Variants in CHD7 observed in about 807,000 individuals in gnomAD.
The protein encoded by CHD7 is ATP-dependent chromatin remodeler CHD7.
CHD7 carries 24 observed loss-of-function variants against 307.3 expected under a neutral mutation model. The ratio of observed to expected loss-of-function variants is 0.08; its 90% CI spans 0.06 to 0.11. CHD7 has a LOEUF of 0.11. Ranked by LOEUF, CHD7 falls within the 10% of genes least tolerant of loss-of-function variation. The probability of loss-of-function intolerance (pLI) is 1.00; values close to 1 mark genes in which losing one functional copy is unlikely to be tolerated. For synonymous variants in CHD7, 1,363 were observed against 1,349.9 expected (o/e 1.01, Z -0.21); for missense variants, 3,106 against 3,727.1 (o/e 0.83, Z 4.34).
At chr8:60,793,697 T>C (rs1021424764) in intron 3 of CHD7, among the ~76,000 whole-genome samples, 1 of 152,244 alleles carries the variant, frequency 6.6e-6, no homozygotes, top group African/African-American at 2.4e-5. Flanking sequence ...TTTGAAGGTT[T>C]TTGAAATACA....
intron 1 of CHD7, among the ~76,000 whole-genome samples, chr8:60,723,146 AATCAGAAAGCCTTTAAGT>A (rs1807992109): frequency 6.6e-6 from 1 of 152,116 alleles, no homozygotes; most frequent in South Asian, 2.1e-4. Flanking sequence ...CCACCTATCT[AATCAGAAAGCCTTTAAGT>A]ATCAGAAAAC....
intron 3 of CHD7, 85 bp from the exon 4 acceptor site, chr8:60,794,901 C>A: frequency 8.0e-7 from 1 of 1,249,046 alleles, no homozygotes; most frequent in Non-Finnish European, 1.1e-6. Context: ...GTCATTGATA[C>A]TTTTGGGATA....
In CHD7 at chr8:60,856,657, A is replaced by G. The variant is rs1805730448; in HGVS notation, c.7377A>G (p.Ser2459=). ...REATSSTSNF[S]SLSSKFILPN... is the part of the protein sequence containing the mutation. ...CAACAAGCTCTACCTCAAATTTTTC[A>G]TCTCTTTCTTCAAAGTTTATCTTGC... is the stretch of plus-strand genomic sequence containing the variant. The change falls in exon 34 of 38, where the codon TCA becomes TCG. Residue 2459 remains serine, a synonymous_variant. Coordinates refer to ENST00000423902, the MANE Select transcript of CHD7 (RefSeq NM_017780.4). 1 of 1,614,054 alleles carries G rather than the reference A, an allele frequency of 6.2e-7. No individual in the cohort carries two copies. Among genetic ancestry groups the G allele is most frequent in the East Asian group, 2.2e-5 (1 of 44,884 alleles).
At chr8:60,860,425 GTCT>G (rs1050424244) in intron 34 of CHD7, among the ~76,000 whole-genome samples, 5 of 152,028 alleles carry the variant, frequency 3.3e-5, no homozygotes, top group African/African-American at 4.8e-5. Context: ...TAAAAGTTTC[GTCT>G]TCTTCTTTTT....
At chr8:60,859,864 A>T (rs1458897294) in intron 34 of CHD7, among the ~76,000 whole-genome samples, 1 of 152,236 alleles carries the variant, frequency 6.6e-6, no homozygotes, top group African/African-American at 2.4e-5. Context: ...TTATTGAAAA[A>T]AATAGGAGAG....
intron 1 of CHD7, among the ~76,000 whole-genome samples, chr8:60,718,420 A>C (rs1342400232): frequency 2.0e-5 from 3 of 152,124 alleles, no homozygotes. Flanking sequence ...GGTTGCAGTG[A>C]GCCAAGATTG....
In CHD7 at chr8:60,856,043, T is replaced by C. The variant is rs376174164; in HGVS notation, c.7005T>C (p.Asn2335=). ...TGTTGAAAGGCAAATGGCCAGTAAA[T>C]AGGCGCCAGATGTTTGATTTCCAAG... ...EAVLKGKWPV[N]RRQMFDFQGL... Residue 2335 remains asparagine, a synonymous_variant, in exon 33 of 38, where the codon AAT becomes AAC. Coordinates refer to ENST00000423902, the MANE Select transcript of CHD7 (RefSeq NM_017780.4). The C allele has an allele frequency of 2.5e-6, 4 of 1,611,368 alleles. No individual in the cohort carries two copies. Among genetic ancestry groups the C allele is most frequent in the Non-Finnish European group, 3.4e-6 (4 of 1,178,780 alleles).
chr8:60,772,954 G>A (rs1810780205), intron 2 of CHD7, among the ~76,000 whole-genome samples: 2 of 152,220 alleles, frequency 1.3e-5, no homozygotes, highest in African/African-American at 4.8e-5. Context: ...TGGTTAGTCA[G>A]AGGCACCATG....
At chr8:60,719,455 G>A (rs1456495936) in intron 1 of CHD7, among the ~76,000 whole-genome samples, 5 of 151,820 alleles carry the variant, frequency 3.3e-5, no homozygotes, top group Non-Finnish European at 7.4e-5. Flanking sequence ...TTTTTTTTCA[G>A]AATTTTCTTG....
intron 1 of CHD7, among the ~76,000 whole-genome samples, chr8:60,723,708 T>A (rs1328193804): frequency 3.3e-5 from 5 of 152,266 alleles, no homozygotes; most frequent in Non-Finnish European, 4.4e-5. Flanking sequence ...GTTTTTAGAA[T>A]GCCACCTTAT....
chr8:60,849,653 T>C (rs1220511611), intron 25 of CHD7, among the ~76,000 whole-genome samples: 6 of 152,184 alleles, frequency 3.9e-5, no homozygotes, highest in Non-Finnish European at 7.3e-5. Context: ...AGAACTGGCA[T>C]GATATATACA....
rs562194214 is a variant in CHD7, at chr8:60,850,884, A to G, written c.5535-148A>G. On this transcript the variant is annotated intron_variant, in intron 26 of 37. Transcript: ENST00000423902. ...CCCTCCACCACACTGCCATGGCTGC[A>G]TGTTTTAAATACTGATAGAGTTGCT... The G allele has an allele frequency of 2.2e-4, 154 of 688,348 alleles. 1 individual carries two copies. The Middle Eastern group carries it at 3.6e-3, about 16-fold the overall frequency. 42.6% of individuals were successfully genotyped at this position (688,348 alleles called of 1,614,324 possible).
At chr8:60,803,009 G>A (rs1333808943) in intron 6 of CHD7, among the ~76,000 whole-genome samples, 1 of 152,136 alleles carries the variant, frequency 6.6e-6, no homozygotes, top group Admixed American at 6.5e-5. Flanking sequence ...GGCCATCTTG[G>A]TGACTCTTTG....
At chr8:60,719,404 TA>T (rs1807785206) in intron 1 of CHD7, among the ~76,000 whole-genome samples, 1 of 152,254 alleles carries the variant, frequency 6.6e-6, no homozygotes, top group African/African-American at 2.4e-5. Context: ...TTTATGTCTT[TA>T]AAATATTTGA....
chr8:60,760,029 T>A (rs921949547), intron 2 of CHD7, among the ~76,000 whole-genome samples: 3 of 152,154 alleles, frequency 2.0e-5, no homozygotes, highest in Non-Finnish European at 4.4e-5. Flanking sequence ...TGCTGTGTAG[T>A]AATGTTGGTG....
intron 9 of CHD7, among the ~76,000 whole-genome samples, chr8:60,820,996 G>T (rs1048220366): frequency 6.6e-6 from 1 of 152,172 alleles, no homozygotes; most frequent in Non-Finnish European, 1.5e-5. Flanking sequence ...CTAGAGGAAA[G>T]ACAAAGGAAA....
Position 60,865,043 on chromosome 8 carries a change from C to T in CHD7, c.8104C>T (p.Arg2702Cys), listed in dbSNP as rs1373315351. ...TTTTGTTCCTGAGTCGATGTTTGAC[C>T]GCCTTCTCACTGGGCCTGTAGTGCG... ...SGFVPESMFD[R>C]LLTGPVVRGE... Residue 2702 changes from arginine to cysteine, a missense_variant, in exon 38 of 38, where the codon CGC (arginine) becomes TGC (cysteine). By Grantham distance (180) the Arg-to-Cys change is radical (BLOSUM62 -3). This residue lies in a region of CHD7 where 59 missense variants were observed against 106.2 expected (regional missense o/e 0.56). Coordinates refer to ENST00000423902, the MANE Select transcript of CHD7 (RefSeq NM_017780.4). The surrounding 1 kb of genome is among the most constrained non-coding windows in gnomAD (Gnocchi z 4.3). 1.9e-6 allele frequency: 3 copies of T among 1,605,092 alleles called. No homozygotes were observed. Among genetic ancestry groups the T allele is most frequent in the Non-Finnish European group, 2.6e-6 (3 of 1,175,428 alleles).
At chr8:60,751,332 C>A (rs745615318) in intron 2 of CHD7, among the ~76,000 whole-genome samples, 6 of 152,094 alleles carry the variant, frequency 3.9e-5, no homozygotes, top group Non-Finnish European at 8.8e-5. Context: ...TTCTTCTGTG[C>A]TGCCTTTTTC....
At chr8:60,782,808 GAGGA>G (rs930755731) in intron 3 of CHD7, among the ~76,000 whole-genome samples, 5 of 152,184 alleles carry the variant, frequency 3.3e-5, no homozygotes, top group African/African-American at 1.2e-4. Flanking sequence ...ATGTAAGGAT[GAGGA>G]AGAAAGACAT....
Sources: allele counts gnomAD v4.1 joint callset (sites outside exome capture counted in the v4.1 genomes callset), GRCh38; gene constraint gnomAD v4.1.1; regional missense constraint gnomAD v4.1.1; non-coding constraint Gnocchi (gnomAD v3.1); transcripts MANE v1.5; gene names NCBI Gene and HGNC (gene_info 2026-07-23, HGNC 2026-07-21).